CSMD1: variants seen among roughly 807,000 people sequenced by gnomAD.
CSMD1 encodes CUB and sushi domain-containing protein 1.
CSMD1 carries 213 observed loss-of-function variants against 417.5 expected under a neutral mutation model. The ratio of observed to expected loss-of-function variants is 0.51; its 90% CI spans 0.46 to 0.57. The LOEUF (loss-of-function observed/expected upper bound fraction) is 0.57, where lower values mean the gene tolerates loss of function less well. Among genes scored for constraint, CSMD1 ranks in the 20% least tolerant of loss-of-function variants. The pLI is 0.00. For missense variants in CSMD1, 6,923 were observed against 4,529.7 expected (o/e 1.53, Z -15.17); for synonymous variants, 2,862 against 1,736.8 (o/e 1.65, Z -16.11).
intron 1 of CSMD1, among the ~76,000 whole-genome samples, chr8:4,704,799 C>T (rs902358126): frequency 2.6e-5 from 4 of 152,148 alleles, no homozygotes; most frequent in African/African-American, 7.2e-5. Flanking sequence ...TCCTAACCAG[C>T]CTGAGTGAGC....
intron 5 of CSMD1, among the ~76,000 whole-genome samples, chr8:3,758,349 T>A (rs1038197923): frequency 1.3e-5 from 2 of 152,224 alleles, no homozygotes; most frequent in African/African-American, 4.8e-5. Context: ...GCCATTCAAA[T>A]GAATTGTACC....
Position 3,230,186 on chromosome 8 carries a change from C to A in CSMD1, c.4199G>T (p.Gly1400Val), listed in dbSNP as rs756877746. 5 of 1,610,762 alleles carry A rather than the reference C, an allele frequency of 3.1e-6. No individual in the cohort carries two copies. Among genetic ancestry groups the A allele is most frequent in the Non-Finnish European group, 4.2e-6 (5 of 1,178,406 alleles). The change falls in exon 27 of 70, where the codon GGC (glycine) becomes GTC (valine). Residue 1400 changes from glycine to valine, a missense_variant. Coordinates refer to ENST00000635120, the MANE Select transcript of CSMD1 (RefSeq NM_033225.6). The stretch of plus-strand genomic sequence containing the variant: ...CTCTCTGCTGTCTCCATAGCGGGTG[C>A]CATTTTGGGGCATACCTGGATCGTT... ...TCNDPGMPQN[G>V]TRYGDSREAG... is the part of the protein sequence containing the mutation.
chr8:3,348,073 G>C lies in CSMD1; in HGVS notation c.3393C>G (p.Ile1131Met). Residue 1131 changes from isoleucine (I) to methionine (M), a missense_variant, in exon 22 of 70, where the codon ATC becomes ATG. Physicochemically the swap from Ile to Met is conservative, Grantham distance 10. Coordinates refer to ENST00000635120, the MANE Select transcript of CSMD1 (RefSeq NM_033225.6). ...TGCCGGCTTCTGTTTCTATTTTATA[G>C]ATACACTCATGGTTATTATCATAAT... ...PSNYDNNHEC[I>M]YKIETEAGKG... 2 of 1,612,572 alleles carry C rather than the reference G, an allele frequency of 1.2e-6. No homozygotes were observed. Among genetic ancestry groups the C allele is most frequent in the Non-Finnish European group, 1.7e-6 (2 of 1,179,126 alleles).
chr8:4,422,972 T>C (rs1470613430), intron 2 of CSMD1, among the ~76,000 whole-genome samples: 3 of 151,628 alleles, frequency 2.0e-5, no homozygotes, highest in Non-Finnish European at 2.9e-5. Context: ...TTGACAATAA[T>C]AATCATTGAA....
At chr8:4,553,083 C>A (rs1364240477) in intron 2 of CSMD1, among the ~76,000 whole-genome samples, 1 of 152,156 alleles carries the variant, frequency 6.6e-6, no homozygotes, top group Non-Finnish European at 1.5e-5. Context: ...TCTCTAGGTA[C>A]CAATTACTTC....
At chr8:3,083,332 G>C (rs1197192565) in intron 49 of CSMD1, among the ~76,000 whole-genome samples, 1 of 151,458 alleles carries the variant, frequency 6.6e-6, no homozygotes. Context: ...AGAAAATAGG[G>C]TTCCCTTAAT....
intron 30 of CSMD1, among the ~76,000 whole-genome samples, chr8:3,212,314 G>A (rs1585670835): frequency 2.0e-5 from 3 of 152,236 alleles, no homozygotes; most frequent in East Asian, 1.9e-4. Context: ...GACTAGAAAG[G>A]ACTGATGCAT....
At chr8:4,213,179 T>A (rs73658486) in intron 3 of CSMD1, among the ~76,000 whole-genome samples, 1 of 152,042 alleles carries the variant, frequency 6.6e-6, no homozygotes, top group East Asian at 1.9e-4. Context: ...GGGAGAGACA[T>A]AGTTGAGAAT....
chr8:4,084,185 A>G (rs1800297566), intron 3 of CSMD1, among the ~76,000 whole-genome samples: 1 of 152,202 alleles, frequency 6.6e-6, no homozygotes, highest in African/African-American at 2.4e-5. Context: ...GAATTTTAAA[A>G]TGTATTTTTT....
intron 1 of CSMD1, among the ~76,000 whole-genome samples, chr8:4,645,465 A>C (rs1340567918): frequency 4.2e-4 from 63 of 150,664 alleles, no homozygotes; most frequent in Non-Finnish European, 2.2e-4. Context: ...AAAAAAAAAA[A>C]AAGGCAAGCA....
intron 3 of CSMD1, among the ~76,000 whole-genome samples, chr8:4,397,996 A>T (rs554899202): frequency 5.2e-4 from 79 of 152,308 alleles, no homozygotes; most frequent in African/African-American, 1.9e-3. Context: ...ATTTTTAAAT[A>T]CCTTTGTCTA....
intron 26 of CSMD1, among the ~76,000 whole-genome samples, chr8:3,268,517 C>T (rs2117134590): frequency 6.6e-6 from 1 of 152,016 alleles, no homozygotes; most frequent in Middle Eastern, 3.4e-3. Flanking sequence ...TCTCAATTTC[C>T]TGACCTCATC....
intron 5 of CSMD1, among the ~76,000 whole-genome samples, chr8:3,925,823 A>T (rs1030962011): frequency 6.6e-6 from 1 of 152,046 alleles, no homozygotes; most frequent in African/African-American, 2.4e-5. Context: ...CATTAAAACC[A>T]ACTAATACGG....
chr8:4,282,764 A>G (rs1796857778), intron 3 of CSMD1, among the ~76,000 whole-genome samples: 1 of 152,194 alleles, frequency 6.6e-6, no homozygotes, highest in African/African-American at 2.4e-5. Flanking sequence ...AAATGGTAGT[A>G]TTTTGAGAGC....
intron 3 of CSMD1, among the ~76,000 whole-genome samples, chr8:4,373,949 C>T (rs549671086): frequency 6.6e-6 from 1 of 152,262 alleles, no homozygotes; most frequent in South Asian, 2.1e-4. Flanking sequence ...ACTTTAGTGT[C>T]TCTACTGAGT....
intron 1 of CSMD1, among the ~76,000 whole-genome samples, chr8:4,652,918 G>A (rs964264523): frequency 3.3e-5 from 5 of 151,412 alleles, no homozygotes; most frequent in Non-Finnish European, 7.3e-5. Flanking sequence ...TGGTGGGGTG[G>A]AGTTCAGGTG....
At chr8:4,235,991 G>C (rs1802023122) in intron 3 of CSMD1, among the ~76,000 whole-genome samples, 1 of 146,816 alleles carries the variant, frequency 6.8e-6, no homozygotes, top group Non-Finnish European at 1.5e-5. Context: ...AGTGATTCGT[G>C]ATAATCACTG....
At chr8:4,936,323 G>A (rs140229161) in intron 1 of CSMD1, among the ~76,000 whole-genome samples, 1 of 152,146 alleles carries the variant, frequency 6.6e-6, no homozygotes, top group Non-Finnish European at 1.5e-5. Flanking sequence ...TAAACAAACA[G>A]GGACAGGAAA....
At chr8:3,926,870 G>C (rs2554665) in intron 5 of CSMD1, among the ~76,000 whole-genome samples, 107,181 of 151,304 alleles carry the variant, frequency 0.71, 39,117 homozygotes, top group African/African-American at 0.88. Flanking sequence ...CATGTGCCAC[G>C]ACACCCAGCT....
Sources: gnomAD v4.1 joint callset for allele counts (sites outside exome capture counted in the v4.1 genomes callset) on GRCh38, gnomAD v4.1.1 for gene constraint, MANE v1.5 for transcripts, NCBI Gene and HGNC (gene_info 2026-07-23, HGNC 2026-07-21) for gene names.